Variants in CYB5R3 observed in about 807,000 individuals in gnomAD.
CYB5R3 encodes NADH-cytochrome b5 reductase 3.
A neutral mutation model predicts 36.5 loss-of-function variants in CYB5R3; 28 were observed. The observed-to-expected ratio is 0.77, with a 90% CI of 0.57 to 1.05. CYB5R3 has a LOEUF of 1.05. Ranked by LOEUF, CYB5R3 falls within the 50% of genes least tolerant of loss-of-function variation. CYB5R3 has a pLI of 0.00. For synonymous variants in CYB5R3, 181 were observed against 159.8 expected, an observed-to-expected ratio of 1.13 and a Z score of -1.00; for missense variants, 474 against 408.9, an observed-to-expected ratio of 1.16 and a Z score of -1.37.
chr22:42,636,825 G>C lies in CYB5R3; in HGVS notation c.43C>G (p.Pro15Ala). The C allele has an allele frequency of 6.2e-7, 1 of 1,613,850 alleles. No individual in the cohort carries two copies. The highest frequency in any genetic ancestry group is 8.5e-7 in the Non-Finnish European group (1 of 1,180,016). ...LSTLGHMVLF[P>A]VWFLYSLLMK... ...AGCAGACTGTACAGGAACCAGACTG[G>C]GAAGAGCACCATATGGCCCAACTGA... is the stretch of plus-strand genomic sequence containing the variant. Residue 15 changes from proline (P) to alanine (A), a missense_variant, in exon 2 of 9, where the codon CCA (proline) becomes GCA (alanine). Coordinates refer to ENST00000352397, the MANE Select transcript of CYB5R3 (RefSeq NM_000398.7).
At position 42,628,198 on chromosome 22, in the gene CYB5R3, GGT is replaced by G. The variant is rs1238229941; in HGVS notation, c.415_416del (p.Thr139HisfsTer2). ...QYLESMQIGDTIEFRGPSGLL... is the reference protein window; with the variant it reads ...QYLESMQIGDXIEFRGPSGLL... ...GCCCACTGGGGCCCCGGAACTCAAT[GGT>G]GTCTCCAATCTGCATGCTCTCCAGG... On this transcript the variant is annotated frameshift_variant, in exon 5 of 9. Transcript: ENST00000352397. LOFTEE classifies it high-confidence loss of function. The G allele has an allele frequency of 6.2e-6, 10 of 1,613,984 alleles. No individual in the cohort carries two copies. The highest frequency in any genetic ancestry group is 8.5e-6 in the Non-Finnish European group (10 of 1,180,006).
chr22:42,644,631 T>C (rs1287533004), intron 1 of CYB5R3: 76 of 1,442,722 alleles, frequency 5.3e-5, no homozygotes, highest in Non-Finnish European at 6.8e-5. Flanking sequence ...GCAAGTACTA[T>C]TCCGAGGATT....
intron 1 of CYB5R3, among the ~76,000 whole-genome samples, chr22:42,645,201 A>G (rs1172379263): frequency 6.6e-6 from 1 of 152,160 alleles, no homozygotes; most frequent in East Asian, 1.9e-4. Context: ...GTGGCCCTGG[A>G]GCAGACCGCA....
In CYB5R3 at chr22:42,649,279, C is replaced by T. The variant is rs1485999802; in HGVS notation, c.21+16G>A. ...CTCGCGACGCCCCGCGGCCCCGGCG[C>T]CCCCTCCCCGCCTACCGTGCTGAGC... On this transcript the variant is annotated intron_variant, in intron 1 of 8. Coordinates refer to ENST00000352397, the MANE Select transcript of CYB5R3 (RefSeq NM_000398.7). 4 of 1,003,872 alleles carry T rather than the reference C, an allele frequency of 4.0e-6. No homozygotes were observed. Among genetic ancestry groups the T allele is most frequent in the Non-Finnish European group, 4.8e-6 (4 of 835,024 alleles). 62.2% of individuals were successfully genotyped at this position (1,003,872 alleles called of 1,614,324 possible).
At position 42,618,785 on chromosome 22, in the gene CYB5R3, C is replaced by T. The variant is rs893737387; in HGVS notation, c.*988G>A. On this transcript the variant is annotated 3_prime_UTR_variant, in exon 9 of 9. Coordinates refer to ENST00000352397, the MANE Select transcript of CYB5R3 (RefSeq NM_000398.7). ...TGACCCCACCCCTTGTGTTGCAGGT[C>T]ACAGACCCTCGAGGAGCTAGAGAAG... The T allele has an allele frequency of 7.3e-5, 11 of 150,294 alleles. No individual in the cohort carries two copies. In the East Asian group the frequency reaches 2.1e-3, roughly 29 times the overall value. The allele number at this position is 150,294 out of a possible 1,614,324, so 9.3% of individuals were successfully genotyped here.
chr22:42,627,074 G>T (rs1601932852), intron 7 of CYB5R3, among the ~76,000 whole-genome samples: 2 of 152,284 alleles, frequency 1.3e-5, no homozygotes, highest in East Asian at 3.9e-4. Context: ...GGGTGCTCAG[G>T]GAGCTCCCCG....
At chr22:42,628,007 G>A (rs527704776) in intron 5 of CYB5R3, 145 bp downstream of exon 5, 12 of 1,206,352 alleles carry the variant, frequency 9.9e-6, no homozygotes, top group Non-Finnish European at 1.5e-5. Flanking sequence ...CAGCCAGGGA[G>A]ACTCAGTTCC....
At chr22:42,636,305 A>G (rs1270276532) in intron 2 of CYB5R3, among the ~76,000 whole-genome samples, 1 of 152,170 alleles carries the variant, frequency 6.6e-6, no homozygotes, top group Admixed American at 6.5e-5. Flanking sequence ...CACCCAGGGA[A>G]TCTGCACAGA....
chr22:42,623,435 A>G (rs1928090410), intron 8 of CYB5R3, among the ~76,000 whole-genome samples: 1 of 152,136 alleles, frequency 6.6e-6, no homozygotes, highest in South Asian at 2.1e-4. Flanking sequence ...GCACGCTGGG[A>G]TGTGGAAGCA....
chr22:42,630,888 G>T lies in CYB5R3; in HGVS notation c.327C>A (p.Val109=). Residue 109 remains valine (V), a synonymous_variant, in exon 4 of 9, where the codon GTC becomes GTA. Transcript: ENST00000352397. ...CATGACCCAGAGGCTTCACCTTGAT[G>T]ACCAGGTCCACGAAGCCCTTGTCAT... The part of the protein sequence containing the change: ...SDDDKGFVDL[V]IKVYFKDTHP... 2 of 1,612,488 alleles carry T rather than the reference G, an allele frequency of 1.2e-6. No homozygotes were observed. The highest frequency in any genetic ancestry group is 2.2e-5 in the South Asian group (2 of 90,538).
intron 1 of CYB5R3, among the ~76,000 whole-genome samples, chr22:42,641,006 G>C (rs1019824885): frequency 3.3e-5 from 5 of 151,562 alleles, no homozygotes; most frequent in African/African-American, 1.2e-4. Context: ...ACAGGCGCAC[G>C]TCACCACTCC....
chr22:42,625,816 C>T (rs889677008), intron 7 of CYB5R3, among the ~76,000 whole-genome samples: 5 of 152,094 alleles, frequency 3.3e-5, no homozygotes, highest in African/African-American at 1.2e-4. Context: ...AAATGGTTTT[C>T]ATATAATACT....
intron 5 of CYB5R3, 22 bp downstream of exon 5, chr22:42,628,130 A>G: frequency 6.2e-7 from 1 of 1,613,498 alleles, no homozygotes. Context: ...CCGTGTAACC[A>G]AGGGATTCCG....
At chr22:42,638,396 CAAAAAAAAAAAA>C (rs1206825251) in intron 1 of CYB5R3, among the ~76,000 whole-genome samples, 19 of 36,518 alleles carry the variant, frequency 5.2e-4, no homozygotes, top group Admixed American at 1.8e-3. Flanking sequence ...AACTCCATCT[CAAAAAAAAAAAA>C]AAAAAAAAAA....
rs925986366 is a variant in CYB5R3 at position 42,635,262 on chromosome 22, G to A, written c.153+1453C>T. 3.2e-4 allele frequency among the ~76,000 whole-genome samples: 48 copies of A among 149,624 alleles called. 2 individuals carry two copies. The highest frequency in any genetic ancestry group is 4.4e-5 in the Non-Finnish European group (3 of 67,610). On this transcript the variant is annotated intron_variant, in intron 2 of 8. Coordinates refer to ENST00000352397, the MANE Select transcript of CYB5R3 (RefSeq NM_000398.7). ...GGATTACAGGTGTGAGCCCAGCCAC[G>A]CCCGGCCAATTTTTTGTATTTTTAG... is the stretch of plus-strand genomic sequence containing the variant.
At chr22:42,624,115 C>CA (rs2051149804) in intron 7 of CYB5R3, among the ~76,000 whole-genome samples, 3 of 152,250 alleles carry the variant, frequency 2.0e-5, no homozygotes, top group Admixed American at 1.3e-4. Flanking sequence ...GCTAGAAACT[C>CA]AGTGTGTCAA....
intron 1 of CYB5R3, among the ~76,000 whole-genome samples, chr22:42,638,731 A>C (rs1323514188): frequency 1.5e-5 from 1 of 64,784 alleles, no homozygotes; most frequent in African/African-American, 5.8e-5. Flanking sequence ...GACTCCATAA[A>C]AAAAAAAAAA....
chr22:42,645,579 G>A (rs1929499456), intron 1 of CYB5R3, among the ~76,000 whole-genome samples: 1 of 152,142 alleles, frequency 6.6e-6, no homozygotes, highest in Non-Finnish European at 1.5e-5. Flanking sequence ...GGCAGCAGAT[G>A]AGAGTCAAGG....
chr22:42,626,465 A>G (rs1157739922), intron 7 of CYB5R3, among the ~76,000 whole-genome samples: 1 of 152,130 alleles, frequency 6.6e-6, no homozygotes, highest in Non-Finnish European at 1.5e-5. Context: ...TGGCCTGTAC[A>G]GGTGACAGAC....
Sources: allele counts gnomAD v4.1 joint callset (sites outside exome capture counted in the v4.1 genomes callset), GRCh38; gene constraint gnomAD v4.1.1; transcripts MANE v1.5; gene names NCBI Gene and HGNC (gene_info 2026-07-23, HGNC 2026-07-21).